CFAP54: variants seen among roughly 807,000 people sequenced by gnomAD.
CFAP54 encodes the protein cilia and flagella associated protein 54, also known as cilia- and flagella-associated protein 54.
CFAP54 carries 290 observed loss-of-function variants against 370.4 expected under a neutral mutation model. That is an observed-to-expected ratio of 0.78 (90% CI 0.71 to 0.86). The LOEUF (loss-of-function observed/expected upper bound fraction) is 0.86, where lower values mean the gene tolerates loss of function less well. Among genes scored for constraint, CFAP54 ranks in the 40% least tolerant of loss-of-function variants. The pLI is 0.00. For synonymous variants in CFAP54, 1,206 were observed against 1,236.5 expected (o/e 0.98, Z 0.52); for missense variants, 3,399 against 3,528.7 (o/e 0.96, Z 0.93).
At chr12:96,784,975 CT>C in intron 61 of CFAP54, 85 bp downstream of exon 61, 2 of 1,095,658 alleles carry the variant, frequency 1.8e-6, no homozygotes, top group South Asian at 4.7e-5. Flanking sequence ...TTATAAGATA[CT>C]TTTGACATCT....
At chr12:96,730,731 A>G (rs1343046066) in intron 50 of CFAP54, among the ~76,000 whole-genome samples, 1 of 152,198 alleles carries the variant, frequency 6.6e-6, no homozygotes, top group East Asian at 1.9e-4. Context: ...AAACAGGAGA[A>G]TCCCACTTAT....
chr12:96,743,686 G>A, intron 53 of CFAP54, 45 bp from the exon 54 acceptor site: 2 of 1,551,022 alleles, frequency 1.3e-6, no homozygotes, highest in Non-Finnish European at 1.8e-6. Context: ...TTGTTTCAGT[G>A]AATTGGAAAC....
At chr12:96,743,979 C>T (rs375629900) in intron 54 of CFAP54, 41 bp from the exon 55 acceptor site, 212 of 1,602,416 alleles carry the variant, frequency 1.3e-4, no homozygotes, top group East Asian at 4.2e-4. Flanking sequence ...TTCCAAACCA[C>T]GTCAACTAAT....
rs1396535503 is a variant in CFAP54 at position 96,827,172 on chromosome 12, T to C, written c.9097-1842T>C. Reference sequence around the variant, plus strand: ...ATGTGCAATTATATGTGATTATATATAATGTGCAGTTATATGTGATTATAT... The same window carrying C: ...ATGTGCAATTATATGTGATTATATACAATGTGCAGTTATATGTGATTATAT... On this transcript the variant is annotated intron_variant, in intron 65 of 67. Transcript: ENST00000524981. Among the ~76,000 whole-genome samples the C allele has an allele frequency of 2.6e-4, 5 of 19,440 alleles. No homozygotes were observed. The African/African-American group carries it at 2.9e-3, about 11-fold the overall frequency. 12.8% of individuals were successfully genotyped at this position (19,440 alleles called of 152,430 possible).
chr12:96,692,573 C>T (rs1421407), intron 44 of CFAP54, among the ~76,000 whole-genome samples: 150,362 of 152,344 alleles, frequency 0.99, 74,209 homozygotes, highest in East Asian at 1. Context: ...AAAAAGGTAT[C>T]GTGTTATGTT....
At chr12:96,810,904 G>A (rs1259008215) in intron 63 of CFAP54, among the ~76,000 whole-genome samples, 2 of 152,084 alleles carry the variant, frequency 1.3e-5, no homozygotes, top group Admixed American at 6.6e-5. Flanking sequence ...ACTATTGTAC[G>A]TCTTTTGGAA....
chr12:96,533,454 T>C (rs1201872500), intron 9 of CFAP54, among the ~76,000 whole-genome samples: 1 of 152,216 alleles, frequency 6.6e-6, no homozygotes, highest in Non-Finnish European at 1.5e-5. Context: ...TAATGATGAC[T>C]CTAAAAGCTC....
chr12:96,789,627 G>A (rs772373517), intron 62 of CFAP54, among the ~76,000 whole-genome samples: 3 of 152,088 alleles, frequency 2.0e-5, no homozygotes, highest in Non-Finnish European at 2.9e-5. Flanking sequence ...AGTATTAAGG[G>A]CAGCCTATCA....
intron 40 of CFAP54, among the ~76,000 whole-genome samples, chr12:96,681,311 C>T (rs1957268406): frequency 6.6e-6 from 1 of 151,860 alleles, no homozygotes; most frequent in Admixed American, 6.6e-5. Context: ...ACTACTTCCC[C>T]TAGAATATAG....
intron 39 of CFAP54, among the ~76,000 whole-genome samples, chr12:96,666,151 C>A (rs1194976057): frequency 6.6e-6 from 1 of 152,120 alleles, no homozygotes; most frequent in African/African-American, 2.4e-5. Context: ...TAGGCAAAAA[C>A]AAAGATGGAA....
intron 40 of CFAP54, 98 bp from the exon 41 acceptor site, chr12:96,684,550 A>T: frequency 1.1e-6 from 1 of 909,616 alleles, no homozygotes; most frequent in South Asian, 1.5e-5. Context: ...TGCAATCTAC[A>T]CAGTTAAGGA....
At chr12:96,528,866 G>T (rs1955410624) in intron 9 of CFAP54, among the ~76,000 whole-genome samples, 2 of 152,090 alleles carry the variant, frequency 1.3e-5, no homozygotes, top group Admixed American at 6.6e-5. Flanking sequence ...TGGAAGCTTA[G>T]ATCATTGATT....
At chr12:96,563,159 A>G (rs1955833451) in intron 17 of CFAP54, among the ~76,000 whole-genome samples, 3 of 152,208 alleles carry the variant, frequency 2.0e-5, no homozygotes, top group South Asian at 4.1e-4. Flanking sequence ...ATTGTCATCC[A>G]TAAATCTTTG....
At chr12:96,678,344 A>G (rs1957233968) in intron 39 of CFAP54, among the ~76,000 whole-genome samples, 1 of 152,066 alleles carries the variant, frequency 6.6e-6, no homozygotes, top group African/African-American at 2.4e-5. Context: ...TCCACCTCCC[A>G]GGTTCAAGTG....
At chr12:96,792,610 T>C (rs1298993225) in intron 63 of CFAP54, 111 bp downstream of exon 63, 1 of 727,988 alleles carries the variant, frequency 1.4e-6, no homozygotes, top group African/African-American at 1.8e-5. Flanking sequence ...TGAGAACAGG[T>C]ATCAATATAT....
At chr12:96,617,091 A>G (rs1050370158) in intron 26 of CFAP54, among the ~76,000 whole-genome samples, 11 of 152,226 alleles carry the variant, frequency 7.2e-5, no homozygotes, top group African/African-American at 2.7e-4. Flanking sequence ...CAGTGGTAAT[A>G]TTCAGCTACC....
At chr12:96,680,987 G>A (rs1957262639) in intron 40 of CFAP54, among the ~76,000 whole-genome samples, 1 of 152,152 alleles carries the variant, frequency 6.6e-6, no homozygotes, top group Admixed American at 6.6e-5. Flanking sequence ...GGAGGCTGAG[G>A]CATGAGAATC....
At chr12:96,573,997 A>G (rs879935935) in intron 19 of CFAP54, among the ~76,000 whole-genome samples, 2 of 152,242 alleles carry the variant, frequency 1.3e-5, no homozygotes, top group Non-Finnish European at 2.9e-5. Context: ...ATCACGATTA[A>G]TGATTTTAGA....
chr12:96,865,745 G>A (rs982395172), intron 67 of CFAP54, among the ~76,000 whole-genome samples: 1 of 152,066 alleles, frequency 6.6e-6, no homozygotes, highest in Non-Finnish European at 1.5e-5. Flanking sequence ...TCGCCTATCA[G>A]TAAATAACTA....
Sources: allele counts gnomAD v4.1 joint callset (sites outside exome capture counted in the v4.1 genomes callset), GRCh38; gene constraint gnomAD v4.1.1; transcripts MANE v1.5; gene names NCBI Gene and HGNC (gene_info 2026-07-23, HGNC 2026-07-21).